Variants in KYNU observed in about 807,000 individuals in gnomAD.
KYNU encodes the protein L-kynurenine hydrolase.
KYNU carries 54 observed loss-of-function variants against 59.2 expected under a neutral mutation model. The ratio of observed to expected loss-of-function variants is 0.91; its 90% CI spans 0.73 to 1.14. The LOEUF (loss-of-function observed/expected upper bound fraction) is 1.14, where lower values mean the gene tolerates loss of function less well. Among genes scored for constraint, KYNU ranks in the 50% most tolerant of loss-of-function variants. The pLI, the probability that KYNU is intolerant of heterozygous loss-of-function variation, is 0.00. For synonymous variants in KYNU, 177 were observed against 192.0 expected (o/e 0.92, Z 0.65); for missense variants, 567 against 554.4 (o/e 1.02, Z -0.23).
At chr2:143,013,263 T>C (rs1686161918) in intron 10 of KYNU, among the ~76,000 whole-genome samples, 1 of 152,006 alleles carries the variant, frequency 6.6e-6, no homozygotes, top group East Asian at 1.9e-4. Flanking sequence ...TCTCTCTCTC[T>C]CTCCCTGTCT....
chr2:142,893,847 T>C (rs1681787998), intron 2 of KYNU, among the ~76,000 whole-genome samples: 1 of 152,144 alleles, frequency 6.6e-6, no homozygotes, highest in Non-Finnish European at 1.5e-5. Flanking sequence ...CCCCAATGTC[T>C]AAGGTCAACA....
chr2:142,931,353 T>G (rs352896), intron 4 of KYNU, among the ~76,000 whole-genome samples: 3,926 of 152,222 alleles, frequency 0.026, 171 homozygotes, highest in Admixed American at 0.11. Context: ...AAACCTTAAT[T>G]TTTTGGGTAT....
At chr2:143,035,224 C>A (rs1686861182) in intron 12 of KYNU, among the ~76,000 whole-genome samples, 1 of 152,234 alleles carries the variant, frequency 6.6e-6, no homozygotes, top group Non-Finnish European at 1.5e-5. Flanking sequence ...CAGATAAAGT[C>A]TTACTATGTT....
At chr2:142,949,935 C>T (rs141843353) in intron 4 of KYNU, among the ~76,000 whole-genome samples, 2 of 152,326 alleles carry the variant, frequency 1.3e-5, no homozygotes, top group East Asian at 1.9e-4. Flanking sequence ...CAAGTCACAT[C>T]TTGAATGCTT....
intron 10 of KYNU, among the ~76,000 whole-genome samples, chr2:143,022,646 G>T (rs1686441725): frequency 1.3e-5 from 2 of 151,840 alleles, no homozygotes; most frequent in South Asian, 4.1e-4. Context: ...ACCTTCTTTT[G>T]TGAGTTTTAG....
intron 10 of KYNU, among the ~76,000 whole-genome samples, chr2:143,022,424 T>C (rs1686436101): frequency 6.6e-6 from 1 of 152,080 alleles, no homozygotes. Flanking sequence ...CTGTTTGCAG[T>C]ATTTTATGAT....
Position 143,045,645 on chromosome 2 carries a change from A to T in KYNU, c.*3473A>T, listed in dbSNP as rs570804465. 1.1e-4 allele frequency: 16 copies of T among 152,056 alleles called. No homozygotes were observed. The highest frequency in any genetic ancestry group is 2.9e-4 in the African/African-American group (12 of 41,500). The allele number at this position is 152,056 out of a possible 1,614,324, so 9.4% of individuals were successfully genotyped here. The stretch of plus-strand genomic sequence containing the variant: ...TTGGTTCTCTGTTTGTCCTATATAC[A>T]TATGTTGGTATATAGGAATGCTTTT... On this transcript the variant is annotated 3_prime_UTR_variant, in exon 14 of 14. Coordinates refer to ENST00000264170, the MANE Select transcript of KYNU (RefSeq NM_003937.3).
In KYNU at chr2:142,918,580, T is replaced by A. The variant is rs373556883; in HGVS notation, c.170-29T>A. ...ATACTGAAAAAGCTTTTATTTTTTT[T>A]TTTTTTTTTGACATTTCTTCTGTTT... On this transcript the variant is annotated intron_variant, in intron 2 of 13. Coordinates refer to ENST00000264170, the MANE Select transcript of KYNU (RefSeq NM_003937.3). The A allele has an allele frequency of 3.9e-4, 588 of 1,504,482 alleles. 2 individuals carry two copies. The highest frequency in any genetic ancestry group is 1.0e-3 in the African/African-American group (73 of 70,210). The allele number at this position is 1,504,482 out of a possible 1,614,324, so 93.2% of individuals were successfully genotyped here. A position where few individuals can be genotyped will look rare whatever the true frequency, so the allele number is the denominator to read the frequency against.
At chr2:142,987,035 C>T (rs908794925) in intron 10 of KYNU, among the ~76,000 whole-genome samples, 7 of 151,770 alleles carry the variant, frequency 4.6e-5, no homozygotes, top group Non-Finnish European at 5.9e-5. Flanking sequence ...GTTTAAATAT[C>T]TTTGGACAGA....
intron 2 of KYNU, among the ~76,000 whole-genome samples, chr2:142,910,880 T>C (rs1006818471): frequency 5.3e-5 from 8 of 152,184 alleles, no homozygotes; most frequent in African/African-American, 1.9e-4. Context: ...TAGACTGTTG[T>C]AGATATGTGG....
Position 143,050,380 on chromosome 2 carries a change from G to A in KYNU, c.*8208G>A, listed in dbSNP as rs1009277414. 1.3e-5 allele frequency: 2 copies of A among 152,020 alleles called. No individual in the cohort carries two copies. The highest frequency in any genetic ancestry group is 3.9e-4 in the East Asian group (2 of 5,170). The allele number at this position is 152,020 out of a possible 1,614,324, so 9.4% of individuals were successfully genotyped here. ...ATGTATTCTCGCCTCCCACTTATGA[G>A]TGAGAACACGCGATGTTTGGTTTTC... On this transcript the variant is annotated 3_prime_UTR_variant, in exon 14 of 14. Coordinates refer to ENST00000264170, the MANE Select transcript of KYNU (RefSeq NM_003937.3).
At chr2:143,006,186 C>T (rs971570515) in intron 10 of KYNU, among the ~76,000 whole-genome samples, 2 of 152,006 alleles carry the variant, frequency 1.3e-5, no homozygotes, top group African/African-American at 2.4e-5. Flanking sequence ...TGGGCGCAGG[C>T]CAGTGGGTGC....
At chr2:142,989,000 TC>T in intron 10 of KYNU, 1 of 930,882 alleles carries the variant, frequency 1.1e-6, no homozygotes. Flanking sequence ...ACTTTTTTAT[TC>T]ACCTGAAAAT....
At chr2:142,902,556 A>T (rs1682138535) in intron 2 of KYNU, among the ~76,000 whole-genome samples, 1 of 152,034 alleles carries the variant, frequency 6.6e-6, no homozygotes, top group Non-Finnish European at 1.5e-5. Context: ...GATGAGGATA[A>T]GCCAGTATAG....
intron 10 of KYNU, among the ~76,000 whole-genome samples, chr2:143,018,917 T>C (rs993202148): frequency 6.6e-5 from 10 of 152,154 alleles, no homozygotes; most frequent in African/African-American, 1.7e-4. Flanking sequence ...GATTGTATTA[T>C]TGATTTTGTT....
rs1222437103 is a variant in KYNU at position 142,881,909 on chromosome 2, C to CTTT, written c.-19-3436_-19-3434dup. On this transcript the variant is annotated intron_variant, in intron 1 of 13. Coordinates refer to ENST00000264170, the MANE Select transcript of KYNU (RefSeq NM_003937.3). ...TGCCAGCACACCTGGCTTTTCTTTT[C>CTTT]TTTTTTCTTTTTTTTTTTTTTTTTT... Among the ~76,000 whole-genome samples, 144 of 124,588 alleles carry CTTT rather than the reference C, an allele frequency of 1.2e-3. 4 individuals carry two copies. The highest frequency in any genetic ancestry group is 6.2e-3 in the East Asian group (26 of 4,200). The allele number at this position is 124,588 out of a possible 152,430, so 81.7% of individuals were successfully genotyped here. A position where few individuals can be genotyped will look rare whatever the true frequency, so the allele number is the denominator to read the frequency against.
chr2:142,964,267 T>G (rs1161101951), intron 8 of KYNU, among the ~76,000 whole-genome samples: 1 of 152,096 alleles, frequency 6.6e-6, no homozygotes, highest in Non-Finnish European at 1.5e-5. Context: ...TTCACATAAA[T>G]TTTGGGGGGT....
chr2:142,962,542 A>G (rs1197325176), intron 8 of KYNU, among the ~76,000 whole-genome samples: 2 of 152,204 alleles, frequency 1.3e-5, no homozygotes, highest in Non-Finnish European at 2.9e-5. Context: ...TTTAGGTTTT[A>G]TAAGTAAATC....
At chr2:142,998,642 T>C (rs1378374374) in intron 10 of KYNU, among the ~76,000 whole-genome samples, 1 of 152,152 alleles carries the variant, frequency 6.6e-6, no homozygotes, top group Non-Finnish European at 1.5e-5. Flanking sequence ...CAACTCCTTA[T>C]AGAGATTCTA....
Sources: gnomAD v4.1 joint callset for allele counts (sites outside exome capture counted in the v4.1 genomes callset) on GRCh38, gnomAD v4.1.1 for gene constraint, MANE v1.5 for transcripts, NCBI Gene and HGNC (gene_info 2026-07-23, HGNC 2026-07-21) for gene names.